WDR74: variants seen among roughly 807,000 people sequenced by gnomAD.
The protein encoded by WDR74 is WD repeat-containing protein 74.
A neutral mutation model predicts 45.6 loss-of-function variants in WDR74; 31 were observed. The ratio of observed to expected loss-of-function variants is 0.68; its 90% CI spans 0.51 to 0.92. The LOEUF is 0.92. Among genes scored for constraint, WDR74 ranks in the 40% least tolerant of loss-of-function variants. The pLI is 0.00. For missense variants in WDR74, 455 were observed against 497.2 expected, an observed-to-expected ratio of 0.92 and a Z score of 0.81; for synonymous variants, 191 against 192.4, an observed-to-expected ratio of 0.99 and a Z score of 0.06.
rs371270483 is a variant in WDR74 at position 62,835,528 on chromosome 11, C to T, written c.521G>A (p.Arg174Gln). Reference sequence around the variant, plus strand: ...AACCCGCAAGTCCAGCCAGTCATTCCGCACCTGGTGGGGTGGGCAGATGGA... The same window carrying T: ...AACCCGCAAGTCCAGCCAGTCATTCTGCACCTGGTGGGGTGGGCAGATGGA... Reference protein sequence around the residue: ...EEPVFRAKNVRNDWLDLRVPI... With the variant: ...EEPVFRAKNVQNDWLDLRVPI... The change falls in exon 6 of 11, where the codon CGG becomes CAG. Residue 174 changes from arginine to glutamine, a missense_variant. Physicochemically the swap from Arg to Gln is conservative, Grantham distance 43. Coordinates refer to ENST00000278856, the MANE Select transcript of WDR74 (RefSeq NM_001369450.1). 90 of 1,613,906 alleles carry T rather than the reference C, an allele frequency of 5.6e-5. No individual in the cohort carries two copies. In the East Asian group the frequency reaches 1.1e-3, roughly 20 times the overall value.
At chr11:62,839,775 T>C (rs1028188437), upstream of WDR74, 4 of 670,266 alleles carry the variant, frequency 6.0e-6, no homozygotes, top group Non-Finnish European at 7.4e-6. Context: ...CATTTTGCAC[T>C]TGGGGGTGAA....
At chr11:62,834,390 G>GGGGGGGGCC in intron 7 of WDR74, 37 bp downstream of exon 7, 5 of 1,584,202 alleles carry the variant, frequency 3.2e-6, no homozygotes, top group Non-Finnish European at 4.3e-6. Flanking sequence ...CCCTTCTCAA[G>GGGGGGGGCC]CCCCACCCTC....
rs1470951955 is a variant in WDR74, at chr11:62,835,731, C to T, written c.480G>A (p.Leu160=). 1.2e-6 allele frequency: 2 copies of T among 1,613,854 alleles called. No individual in the cohort carries two copies. The highest frequency in any genetic ancestry group is 1.1e-5 in the South Asian group (1 of 91,086). ...TGAACACAGGTTCCTCAGAGCCCTG[C>T]AGGTCCCATATCTTCAAAGCATTCT... ...GKENALKIWD[L]QGSEEPVFRA... The change falls in exon 5 of 11, where the codon CTG becomes CTA. Residue 160 remains leucine, a synonymous_variant. Transcript: ENST00000278856.
chr11:62,835,937 A>G (rs2084953106), intron 4 of WDR74, 24 bp downstream of exon 4: 3 of 1,586,686 alleles, frequency 1.9e-6, no homozygotes, highest in Admixed American at 1.8e-5. Flanking sequence ...ACCTCCCCCA[A>G]CCATCAGGGC....
upstream of WDR74, chr11:62,841,572 A>T (rs1030664786): frequency 6.6e-6 from 1 of 152,150 alleles, no homozygotes; most frequent in Admixed American, 6.5e-5. Context: ...CTTGTACCCT[A>T]ACTGATCGAA....
upstream of WDR74, chr11:62,841,573 A>G (rs374429491): frequency 1.1e-4 from 17 of 152,288 alleles, no homozygotes; most frequent in South Asian, 4.1e-4. Flanking sequence ...TTGTACCCTA[A>G]CTGATCGAAA....
At chr11:62,834,026 A>G in intron 8 of WDR74, 89 bp from the exon 9 acceptor site, 3 of 1,546,454 alleles carry the variant, frequency 1.9e-6, no homozygotes, top group Non-Finnish European at 2.6e-6. Context: ...CCATTTCAAC[A>G]TTTAATCTGC....
upstream of WDR74, among the ~76,000 whole-genome samples, chr11:62,841,195 T>TAGTC (rs551433688): frequency 9.1e-4 from 139 of 152,250 alleles, 1 homozygote; most frequent in Middle Eastern, 0.02. Context: ...CGGGCGCCTG[T>TAGTC]AGTCCCAGCC....
rs2084896594 is a variant in WDR74, at chr11:62,833,100, T to C, written c.1010A>G (p.Lys337Arg). ...DEPQEPQEPN[K>R]VPLEDTETDE... is the part of the protein sequence containing the mutation. ...TGTCTCTGTGTCTTCTAGGGGCACC[T>C]TGTTGGGTTCTTGAGGCTCTTGGGG... is the stretch of plus-strand genomic sequence containing the variant. Residue 337 changes from lysine (K) to arginine (R), a missense_variant, in exon 11 of 11, where the codon AAG (lysine) becomes AGG (arginine). Physicochemically the swap from Lys to Arg is conservative, Grantham distance 26. Coordinates refer to ENST00000278856, the MANE Select transcript of WDR74 (RefSeq NM_001369450.1). The C allele has an allele frequency of 6.2e-7, 1 of 1,612,588 alleles. No individual in the cohort carries two copies. Among genetic ancestry groups the C allele is most frequent in the South Asian group, 1.1e-5 (1 of 90,884 alleles).
chr11:62,840,663 T>A (rs2085032503), upstream of WDR74, among the ~76,000 whole-genome samples: 1 of 152,168 alleles, frequency 6.6e-6, no homozygotes, highest in Admixed American at 6.6e-5. Context: ...AAACCCTTTA[T>A]CTAACGCGAA....
upstream of WDR74, chr11:62,840,362 AG>A (rs2085029075): frequency 6.6e-6 from 1 of 151,904 alleles, no homozygotes; most frequent in Non-Finnish European, 1.5e-5. Context: ...GGGCGCCTGT[AG>A]TCCCAGCTAC....
At chr11:62,833,976 C>CGTT in intron 8 of WDR74, 39 bp from the exon 9 acceptor site, 1 of 1,603,378 alleles carries the variant, frequency 6.2e-7, no homozygotes, top group Non-Finnish European at 8.5e-7. Flanking sequence ...ACTGGCTGGC[C>CGTT]AATAACCAAC....
intron 10 of WDR74, 103 bp from the exon 11 acceptor site, chr11:62,833,234 G>T: frequency 8.6e-7 from 1 of 1,162,364 alleles, no homozygotes; most frequent in Non-Finnish European, 1.2e-6. Flanking sequence ...GATTGCTTGA[G>T]CCCAGGACTT....
chr11:62,841,276 C>CAAT (rs2085042242), upstream of WDR74, among the ~76,000 whole-genome samples: 2 of 152,058 alleles, frequency 1.3e-5, no homozygotes, highest in Admixed American at 1.3e-4. Context: ...GAGATCATGC[C>CAAT]ATTGCACTCT....
At chr11:62,840,159 C>T (rs2085026165), upstream of WDR74, 1 of 152,510 alleles carries the variant, frequency 6.6e-6, no homozygotes, top group South Asian at 2.0e-4. Context: ...TATTACTAAA[C>T]CACCGCGCCC....
At chr11:62,838,683 G>A (rs949229937) in intron 3 of WDR74, among the ~76,000 whole-genome samples, 5 of 151,544 alleles carry the variant, frequency 3.3e-5, no homozygotes, top group Admixed American at 6.6e-5. Context: ...GCTTGAACCC[G>A]GGAGGCGGAG....
chr11:62,836,969 G>A (rs1245414408), intron 3 of WDR74, among the ~76,000 whole-genome samples: 1 of 152,042 alleles, frequency 6.6e-6, no homozygotes, highest in Non-Finnish European at 1.5e-5. Context: ...CTAGCTACTT[G>A]GGAAGTTGAG....
At position 62,835,482 on chromosome 11, in the gene WDR74, T is replaced by C. The variant is rs759267730; in HGVS notation, c.567A>G (p.Ile189Met). The change falls in exon 6 of 11, where the codon ATA becomes ATG. Residue 189 changes from isoleucine to methionine, a missense_variant. Physicochemically the swap from Ile to Met is conservative, Grantham distance 10. Transcript: ENST00000278856. ...GCTTCTGTGATCCTGGGAGAAACTG[T>C]ATGTCCTGGTCCCAGATGGGAACCC... Reference protein sequence around the residue: ...DLRVPIWDQDIQFLPGSQKLV... With the variant: ...DLRVPIWDQDMQFLPGSQKLV... 1 of 1,613,964 alleles carries C rather than the reference T, an allele frequency of 6.2e-7. No homozygotes were observed. Among genetic ancestry groups the C allele is most frequent in the Non-Finnish European group, 8.5e-7 (1 of 1,179,862 alleles).
intron 9 of WDR74, 40 bp from the exon 10 acceptor site, chr11:62,833,714 A>C: frequency 6.3e-7 from 1 of 1,582,514 alleles, no homozygotes; most frequent in East Asian, 2.3e-5. Context: ...AGGCATGCTG[A>C]GACAGAAACA....
Sources: gnomAD v4.1 joint callset for allele counts (sites outside exome capture counted in the v4.1 genomes callset) on GRCh38, gnomAD v4.1.1 for gene constraint, MANE v1.5 for transcripts, NCBI Gene and HGNC (gene_info 2026-07-23, HGNC 2026-07-21) for gene names.